Variants in GIT2 observed in about 807,000 individuals in gnomAD.
The protein encoded by GIT2 is ARF GTPase-activating protein GIT2.
GIT2 carries 32 observed loss-of-function variants against 100.3 expected under a neutral mutation model. The observed-to-expected ratio is 0.32, with a 90% CI of 0.24 to 0.43. The LOEUF (loss-of-function observed/expected upper bound fraction) is 0.43, where lower values mean the gene tolerates loss of function less well. GIT2 is among the 20% of genes least tolerant of loss of function. The pLI is 1.00. For synonymous variants in GIT2, 353 were observed against 364.1 expected, an observed-to-expected ratio of 0.97 and a Z score of 0.35; for missense variants, 737 against 975.1, an observed-to-expected ratio of 0.76 and a Z score of 3.25.
chr12:109,964,729 C>T (rs1424521178), intron 9 of GIT2, among the ~76,000 whole-genome samples: 1 of 150,430 alleles, frequency 6.6e-6, no homozygotes, highest in East Asian at 2.0e-4. Context: ...TGAATGATGC[C>T]CTTACAGGTT....
rs532473782 is a variant in GIT2 at position 109,977,696 on chromosome 12, C to T, written c.718+3256G>A. Among the ~76,000 whole-genome samples, 45 of 152,034 alleles carry T rather than the reference C, an allele frequency of 3.0e-4. 1 individual carries two copies. The highest frequency in any genetic ancestry group is 3.4e-3 in the Middle Eastern group (1 of 294). ...AATTAGCCGGGCATGGTGGCAGGCA[C>T]GTGTAATCCCAGCTACTCAGGAGGC... On this transcript the variant is annotated intron_variant, in intron 7 of 19. Coordinates refer to ENST00000355312, the MANE Select transcript of GIT2 (RefSeq NM_057169.5).
At chr12:109,955,230 T>A (rs1194015575) in intron 12 of GIT2, among the ~76,000 whole-genome samples, 1 of 151,900 alleles carries the variant, frequency 6.6e-6, no homozygotes, top group African/African-American at 2.4e-5. Flanking sequence ...TTCACGCCAT[T>A]CTCCTGCCTC....
chr12:109,989,617 A>G, intron 3 of GIT2, 73 bp downstream of exon 3: 1 of 871,748 alleles, frequency 1.1e-6, no homozygotes, highest in Non-Finnish European at 1.9e-6. Context: ...GACTGACCAA[A>G]AATAGCTGCA....
At chr12:109,998,678 A>T (rs1255284717), upstream of GIT2, 1 of 152,266 alleles carries the variant, frequency 6.6e-6, no homozygotes. Flanking sequence ...AATGACATTC[A>T]TACATGGACT....
chr12:109,952,552 TC>T (rs752900370), intron 13 of GIT2: 8 of 519,090 alleles, frequency 1.5e-5, no homozygotes, highest in African/African-American at 1.3e-4. Flanking sequence ...TTTTAGGCTG[TC>T]CCTATGCATG....
chr12:109,939,052 T>A (rs1221912783), intron 17 of GIT2, 113 bp downstream of exon 17: 4 of 694,434 alleles, frequency 5.8e-6, no homozygotes, highest in African/African-American at 5.3e-5. Context: ...ACTTTATGAG[T>A]CTGAAAATAG....
At chr12:109,979,134 A>G (rs952320245) in intron 7 of GIT2, among the ~76,000 whole-genome samples, 2 of 152,110 alleles carry the variant, frequency 1.3e-5, no homozygotes, top group Admixed American at 1.3e-4. Context: ...TGCTGCTGCT[A>G]TTGCAGCCAC....
At position 109,978,057 on chromosome 12, in the gene GIT2, T is replaced by A. The variant is rs76178521; in HGVS notation, c.718+2895A>T. Among the ~76,000 whole-genome samples, 1,350 of 151,578 alleles carry A rather than the reference T, an allele frequency of 8.9e-3. 30 individuals are homozygous for A. The highest frequency in any genetic ancestry group is 0.031 in the African/African-American group (1,279 of 41,196). ...AGTTTCTTGAATCTGTAAGTTTATG[T>A]CTTTCACCAAATTTAGAGGTTTTTT... is the stretch of plus-strand genomic sequence containing the variant. On this transcript the variant is annotated intron_variant, in intron 7 of 19. Coordinates refer to ENST00000355312, the MANE Select transcript of GIT2 (RefSeq NM_057169.5).
intron 18 of GIT2, among the ~76,000 whole-genome samples, chr12:109,935,360 G>A (rs531822646): frequency 6.6e-6 from 1 of 152,302 alleles, no homozygotes; most frequent in African/African-American, 2.4e-5. Context: ...CTGTGTGTCT[G>A]TTAATATCAC....
chr12:109,941,386 A>G (rs951996984), intron 16 of GIT2, among the ~76,000 whole-genome samples: 1 of 152,176 alleles, frequency 6.6e-6, no homozygotes, highest in African/African-American at 2.4e-5. Context: ...ATGAACAGTC[A>G]GTGAGTTTGG....
chr12:109,976,260 T>A (rs1258042448), intron 7 of GIT2, among the ~76,000 whole-genome samples: 3 of 151,802 alleles, frequency 2.0e-5, no homozygotes, highest in Non-Finnish European at 4.4e-5. Flanking sequence ...TACACTGATA[T>A]ATGCTGAAAA....
At chr12:109,974,674 A>G (rs1320902726) in intron 7 of GIT2, among the ~76,000 whole-genome samples, 1 of 152,216 alleles carries the variant, frequency 6.6e-6, no homozygotes, top group Non-Finnish European at 1.5e-5. Flanking sequence ...GGTTTGTCTT[A>G]TGACCCAGGA....
In GIT2 at chr12:109,933,912, T is replaced by C; in HGVS notation, c.2067+110A>G. 1.3e-6 allele frequency: 1 copy of C among 751,164 alleles called. No individual in the cohort carries two copies. 46.5% of individuals were successfully genotyped at this position (751,164 alleles called of 1,614,324 possible). A position where few individuals can be genotyped will look rare whatever the true frequency, so the allele number is the denominator to read the frequency against. Reference sequence around the variant, plus strand: ...CACCACACCCGGCCTCGACTGCATATTTTAAAACTGCATGTGCTACAAAAA... The same window carrying C: ...CACCACACCCGGCCTCGACTGCATACTTTAAAACTGCATGTGCTACAAAAA... On this transcript the variant is annotated intron_variant, in intron 19 of 19. Coordinates refer to ENST00000355312, the MANE Select transcript of GIT2 (RefSeq NM_057169.5). This position sits in a 1 kb window ranked among gnomAD's most constrained non-coding sequence, Gnocchi z 4.5.
At chr12:109,936,829 A>G (rs1174496942) in intron 18 of GIT2, among the ~76,000 whole-genome samples, 1 of 151,614 alleles carries the variant, frequency 6.6e-6, no homozygotes, top group Admixed American at 6.6e-5. Flanking sequence ...AGATCGTGCC[A>G]CTGCTCTCCA....
chr12:109,974,493 T>G (rs968068922), intron 7 of GIT2, among the ~76,000 whole-genome samples: 2 of 152,166 alleles, frequency 1.3e-5, no homozygotes, highest in Non-Finnish European at 2.9e-5. Flanking sequence ...GCCACTGCAC[T>G]CCAGCCTGGG....
At chr12:109,968,527 G>A (rs1593068089) in intron 7 of GIT2, among the ~76,000 whole-genome samples, 2 of 152,084 alleles carry the variant, frequency 1.3e-5, no homozygotes, top group Admixed American at 6.6e-5. Context: ...GGGTTCAAGC[G>A]ATTCTTCTGC....
intron 16 of GIT2, among the ~76,000 whole-genome samples, chr12:109,941,912 C>A (rs1368726983): frequency 6.6e-6 from 1 of 151,760 alleles, no homozygotes; most frequent in Non-Finnish European, 1.5e-5. Context: ...GCAGCCTCGA[C>A]CTCCCAGACT....
chr12:109,996,000 C>A (rs1411779836), intron 1 of GIT2, 173 bp downstream of exon 1: 4 of 476,370 alleles, frequency 8.4e-6, no homozygotes, highest in East Asian at 3.6e-5. Context: ...GGGCGGCGGC[C>A]CCCTGCCCGC....
rs566314773 is a variant in GIT2 at position 109,991,718 on chromosome 12, T to C, written c.95A>G (p.Asp32Gly). The C allele has an allele frequency of 6.2e-7, 1 of 1,613,080 alleles. No individual in the cohort carries two copies. Among genetic ancestry groups the C allele is most frequent in the African/African-American group, 1.3e-5 (1 of 75,010 alleles). Residue 32 changes from aspartate to glycine, a missense_variant, in exon 2 of 20, where the codon GAT becomes GGT. Transcript: ENST00000355312. Reference protein sequence around the residue: ...ASVNRGTFLCDECCSVHRSLG... With the variant: ...ASVNRGTFLCGECCSVHRSLG... ...ACTCCGATGGACACTGCAGCACTCA[T>C]CACATAAAAACGTTCCCCTATTTAC...
Sources: gnomAD v4.1 joint callset for allele counts (sites outside exome capture counted in the v4.1 genomes callset) on GRCh38, gnomAD v4.1.1 for gene constraint, Gnocchi (gnomAD v3.1) non-coding constraint, MANE v1.5 for transcripts, NCBI Gene and HGNC (gene_info 2026-07-23, HGNC 2026-07-21) for gene names.